Variants in OR7C1 observed in about 807,000 individuals in gnomAD.
The protein encoded by OR7C1 is olfactory receptor family 7 subfamily C member 1, also known as olfactory receptor 7C1.
For missense variants in OR7C1, 324 were observed against 383.3 expected (o/e 0.85, Z 1.29); for synonymous variants, 152 against 160.7 (o/e 0.95, Z 0.41).
rs374703812 is a variant in OR7C1, at chr19:14,823,274, G to A, written c.-623+11800C>T. The stretch of plus-strand genomic sequence containing the variant: ...TCGAGACCAGCCTGGCAAACATGGC[G>A]AAACCCCATCTCTACTAAAAATAAA... On this transcript the variant is annotated intron_variant, in intron 1 of 4. Transcript: ENST00000641666. Among the ~76,000 whole-genome samples the A allele has an allele frequency of 1.8e-4, 27 of 147,488 alleles. No homozygotes were observed. In the East Asian group the frequency reaches 5.1e-3, roughly 28 times the overall value.
chr19:14,829,087 C>A (rs931276145), intron 1 of OR7C1, among the ~76,000 whole-genome samples: 3 of 152,118 alleles, frequency 2.0e-5, no homozygotes, highest in Admixed American at 6.6e-5. Flanking sequence ...GACCTGCAAA[C>A]AAGGTGATGT....
intron 2 of OR7C1, among the ~76,000 whole-genome samples, chr19:14,804,478 T>TTTACTGC: frequency 6.7e-6 from 1 of 150,112 alleles, no homozygotes; most frequent in African/African-American, 2.5e-5. Context: ...CACTATAATA[T>TTTACTGC]TCAAAATATT....
chr19:14,831,669 T>C (rs897595292), intron 1 of OR7C1, among the ~76,000 whole-genome samples: 1 of 152,094 alleles, frequency 6.6e-6, no homozygotes, highest in African/African-American at 2.4e-5. Flanking sequence ...GGTCTCGATC[T>C]CCTGACCTCG....
chr19:14,804,284 T>C (rs2044656256), intron 2 of OR7C1, among the ~76,000 whole-genome samples: 1 of 152,142 alleles, frequency 6.6e-6, no homozygotes, highest in Non-Finnish European at 1.5e-5. Context: ...TAAGGAAATC[T>C]CTTATCAAAT....
chr19:14,823,296 T>C (rs1599921574), intron 1 of OR7C1, among the ~76,000 whole-genome samples: 1 of 151,362 alleles, frequency 6.6e-6, no homozygotes, highest in African/African-American at 2.4e-5. Flanking sequence ...CTACTAAAAA[T>C]AAAAAATTAG....
chr19:14,799,613 G>A, exon 5 of OR7C1: 1 of 1,614,002 alleles, frequency 6.2e-7, no homozygotes, highest in East Asian at 2.2e-5. Context: ...AAAAAAGTGT[G>A]GAATTTCCAT....
At chr19:14,827,375 G>A (rs2044778521) in intron 1 of OR7C1, 2 of 1,613,194 alleles carry the variant, frequency 1.2e-6, no homozygotes, top group East Asian at 4.5e-5. Flanking sequence ...TCAGACTATA[G>A]ATAAAGGGGT....
At chr19:14,826,177 T>C (rs1302046988) in intron 1 of OR7C1, 1 of 152,060 alleles carries the variant, frequency 6.6e-6, no homozygotes, top group Non-Finnish European at 1.5e-5. Context: ...TTGGTGTGAG[T>C]CACCCTTTTC....
rs747315292 is a variant in OR7C1, at chr19:14,799,381, A to G, written c.756T>C (p.Tyr252=). 7 of 1,614,114 alleles carry G rather than the reference A, an allele frequency of 4.3e-6. 1 individual carries two copies. Among genetic ancestry groups the G allele is most frequent in the Non-Finnish European group, 5.9e-6 (7 of 1,180,032 alleles). The change falls in exon 5 of 5, where the codon TAT becomes TAC. Residue 252 remains tyrosine, a synonymous_variant. Coordinates refer to ENST00000641666, the Ensembl canonical transcript of OR7C1. ...TGAGATAGACCCCAAAGCCCGTGCC[A>G]TAGAACAAGGTGACCACTGAGAGGT...
At chr19:14,814,897 C>A (rs2044709157) in intron 1 of OR7C1, among the ~76,000 whole-genome samples, 4 of 152,184 alleles carry the variant, frequency 2.6e-5, no homozygotes, top group Admixed American at 2.6e-4. Context: ...AAAATAGAGA[C>A]CATGAGACTG....
At chr19:14,804,524 A>G (rs2044657156) in intron 2 of OR7C1, among the ~76,000 whole-genome samples, 1 of 150,170 alleles carries the variant, frequency 6.7e-6, no homozygotes. Context: ...ATGCAATGAA[A>G]CAAGAAAGTA....
intron 2 of OR7C1, among the ~76,000 whole-genome samples, chr19:14,806,873 G>GA (rs1327158736): frequency 1.3e-5 from 2 of 151,930 alleles, no homozygotes; most frequent in African/African-American, 4.9e-5. Flanking sequence ...ATAATAGGAT[G>GA]AATTATATTC....
intron 1 of OR7C1, among the ~76,000 whole-genome samples, chr19:14,833,460 C>T (rs768188211): frequency 4.6e-5 from 7 of 152,194 alleles, no homozygotes; most frequent in Non-Finnish European, 7.3e-5. Flanking sequence ...TCCTGGTTGA[C>T]AGGGCGAGAC....
intron 2 of OR7C1, among the ~76,000 whole-genome samples, chr19:14,805,952 C>T (rs931669269): frequency 6.6e-6 from 1 of 151,958 alleles, no homozygotes; most frequent in African/African-American, 2.4e-5. Flanking sequence ...GTAATTTGGA[C>T]ATCAAAGTAA....
At chr19:14,800,147 T>G in exon 5 of OR7C1, 1 of 1,544,416 alleles carries the variant, frequency 6.5e-7, no homozygotes. Flanking sequence ...GGGGATAAAA[T>G]AACTGCCACA....
intron 1 of OR7C1, among the ~76,000 whole-genome samples, chr19:14,813,207 CA>C (rs2145061249): frequency 1.3e-5 from 2 of 151,952 alleles, no homozygotes; most frequent in Admixed American, 1.3e-4. Context: ...AAATTAAATC[CA>C]AAATATACAA....
At chr19:14,814,779 AAACTTTTAAAACTTCAC>A (rs2044708497) in intron 1 of OR7C1, among the ~76,000 whole-genome samples, 1 of 152,198 alleles carries the variant, frequency 6.6e-6, no homozygotes, top group African/African-American at 2.4e-5. Flanking sequence ...AATCCCAGAA[AAACTTTTAAAACTTCAC>A]TTCCAGCCAT....
chr19:14,806,436 C>T (rs182736965), intron 2 of OR7C1, among the ~76,000 whole-genome samples: 13 of 152,044 alleles, frequency 8.6e-5, no homozygotes, highest in African/African-American at 3.1e-4. Flanking sequence ...ATTTGTTACA[C>T]AGGTAAATGT....
intron 1 of OR7C1, among the ~76,000 whole-genome samples, chr19:14,810,381 T>G (rs888082760): frequency 5.2e-5 from 7 of 135,176 alleles, no homozygotes; most frequent in Non-Finnish European, 9.4e-5. Context: ...AGTTTTTTTT[T>G]TTTGTTTTTT....
Sources: gnomAD v4.1 joint callset for allele counts (sites outside exome capture counted in the v4.1 genomes callset) on GRCh38, gnomAD v4.1.1 for gene constraint, MANE v1.5 for transcripts, NCBI Gene and HGNC (gene_info 2026-07-23, HGNC 2026-07-21) for gene names.